LSAMP: variants seen among roughly 807,000 people sequenced by gnomAD.
LSAMP encodes the protein limbic system-associated membrane protein.
In LSAMP, 7 loss-of-function variants were observed where a neutral mutation model predicts 38.6. That is an observed-to-expected ratio of 0.18 (90% CI 0.10 to 0.34). The LOEUF (loss-of-function observed/expected upper bound fraction) is 0.34. Ranked by LOEUF, LSAMP falls within the 10% of genes least tolerant of loss-of-function variation. The probability of loss-of-function intolerance (pLI) is 1.00; values close to 1 mark genes in which losing one functional copy is unlikely to be tolerated. For missense variants in LSAMP, 313 were observed against 420.0 expected, an observed-to-expected ratio of 0.75 and a Z score of 2.23; for synonymous variants, 154 against 166.8, an observed-to-expected ratio of 0.92 and a Z score of 0.59.
At chr3:116,401,370 C>A (rs1389044213) in intron 1 of LSAMP, among the ~76,000 whole-genome samples, 1 of 152,126 alleles carries the variant, frequency 6.6e-6, no homozygotes, top group East Asian at 1.9e-4. Context: ...TAGCCTAGAC[C>A]TCCTGGGCTC....
rs181680054 is a variant in LSAMP at position 115,817,550 on chromosome 3, G to C, written c.920-7136C>G. Among the ~76,000 whole-genome samples, 40 of 152,254 alleles carry C rather than the reference G, an allele frequency of 2.6e-4. No individual in the cohort carries two copies. The East Asian group carries it at 7.7e-3, about 29-fold the overall frequency. The stretch of plus-strand genomic sequence containing the variant: ...GTACCTTTGTCAAGTAAACCACAAT[G>C]CTCTTAGGTCTTTAGAAGCAAATAT... On this transcript the variant is annotated intron_variant, in intron 6 of 6. Coordinates refer to ENST00000490035, the MANE Select transcript of LSAMP (RefSeq NM_002338.5).
At chr3:115,997,249 G>T (rs1264730070) in intron 3 of LSAMP, among the ~76,000 whole-genome samples, 1 of 152,028 alleles carries the variant, frequency 6.6e-6, no homozygotes, top group Non-Finnish European at 1.5e-5. Context: ...ATATGCCCTG[G>T]TCACCCTTCT....
intron 1 of LSAMP, among the ~76,000 whole-genome samples, chr3:116,385,737 A>G (rs1405723239): frequency 1.3e-5 from 2 of 152,144 alleles, no homozygotes; most frequent in African/African-American, 4.8e-5. Context: ...TCTAGTTACC[A>G]TTTGGGAAAT....
chr3:115,921,424 A>T (rs1937379150), intron 3 of LSAMP, among the ~76,000 whole-genome samples: 1 of 152,132 alleles, frequency 6.6e-6, no homozygotes, highest in South Asian at 2.1e-4. Context: ...ATTCTATTGC[A>T]TACAAATTCT....
At chr3:115,946,191 T>C (rs1280159074) in intron 3 of LSAMP, among the ~76,000 whole-genome samples, 2 of 152,162 alleles carry the variant, frequency 1.3e-5, no homozygotes, top group African/African-American at 2.4e-5. Context: ...ATCTCACTTA[T>C]GTGTGGAATG....
intron 2 of LSAMP, among the ~76,000 whole-genome samples, chr3:116,046,047 T>A (rs1173223517): frequency 6.6e-6 from 1 of 152,232 alleles, no homozygotes; most frequent in Non-Finnish European, 1.5e-5. Context: ...TAGAAATCCC[T>A]TTCTATGAGC....
chr3:116,142,679 A>T (rs1176635550), intron 1 of LSAMP, among the ~76,000 whole-genome samples: 1 of 152,078 alleles, frequency 6.6e-6, no homozygotes, highest in Non-Finnish European at 1.5e-5. Flanking sequence ...AACATAGTTT[A>T]AAATCCTCTC....
chr3:116,187,170 G>A (rs1190253651), intron 1 of LSAMP, among the ~76,000 whole-genome samples: 2 of 152,100 alleles, frequency 1.3e-5, no homozygotes, highest in East Asian at 3.9e-4. Flanking sequence ...TGCACATGGT[G>A]CACAGGTGGT....
At chr3:116,084,923 T>C (rs1376102487) in intron 2 of LSAMP, among the ~76,000 whole-genome samples, 1 of 152,038 alleles carries the variant, frequency 6.6e-6, no homozygotes, top group Non-Finnish European at 1.5e-5. Flanking sequence ...CCTTCTGCCA[T>C]TGAATTTAGT....
intron 1 of LSAMP, among the ~76,000 whole-genome samples, chr3:116,378,778 C>G (rs892727578): frequency 1.3e-5 from 2 of 151,996 alleles, no homozygotes; most frequent in African/African-American, 4.8e-5. Flanking sequence ...ACTCCACCTT[C>G]CTCCCAATTA....
chr3:115,862,568 T>C (rs559410585), intron 3 of LSAMP, among the ~76,000 whole-genome samples: 43 of 152,256 alleles, frequency 2.8e-4, no homozygotes, highest in South Asian at 2.1e-3. Context: ...TTAAAGTCAA[T>C]ACATAAGTAA....
intron 1 of LSAMP, among the ~76,000 whole-genome samples, chr3:116,409,407 T>TTCAC (rs1050622542): frequency 3.4e-4 from 52 of 152,186 alleles, no homozygotes; most frequent in African/African-American, 1.2e-3. Context: ...ATCTGTAGTT[T>TTCAC]TCACTCATCC....
intron 1 of LSAMP, among the ~76,000 whole-genome samples, chr3:116,251,884 C>T (rs998456111): frequency 1.8e-4 from 27 of 152,114 alleles, no homozygotes; most frequent in African/African-American, 5.6e-4. Context: ...GACTTAAGTC[C>T]TAAAAGCTGA....
At chr3:116,418,381 C>A (rs1435592176) in intron 1 of LSAMP, among the ~76,000 whole-genome samples, 2 of 152,134 alleles carry the variant, frequency 1.3e-5, no homozygotes, top group Non-Finnish European at 2.9e-5. Context: ...TGCTTAATTC[C>A]CTATTATTTG....
chr3:116,260,421 G>A (rs1312510586), intron 1 of LSAMP, among the ~76,000 whole-genome samples: 1 of 151,348 alleles, frequency 6.6e-6, no homozygotes, highest in East Asian at 1.9e-4. Flanking sequence ...ATAATGAACT[G>A]CTATATTAAC....
intron 1 of LSAMP, among the ~76,000 whole-genome samples, chr3:116,115,324 T>C (rs746079020): frequency 2.0e-5 from 3 of 152,242 alleles, no homozygotes; most frequent in Non-Finnish European, 2.9e-5. Context: ...CACAACAGCC[T>C]ATGTAATGTA....
intron 1 of LSAMP, among the ~76,000 whole-genome samples, chr3:116,357,375 AT>A (rs2048239905): frequency 6.6e-6 from 1 of 152,204 alleles, no homozygotes; most frequent in South Asian, 2.1e-4. Context: ...TCTTTGAGAA[AT>A]AGGAATCTTT....
At chr3:116,192,590 T>C (rs1219648225) in intron 1 of LSAMP, among the ~76,000 whole-genome samples, 1 of 152,134 alleles carries the variant, frequency 6.6e-6, no homozygotes, top group East Asian at 1.9e-4. Context: ...AGTTGGAAGA[T>C]GTGAAGGCAT....
chr3:116,349,270 TG>T (rs1197055705), intron 1 of LSAMP, among the ~76,000 whole-genome samples: 9 of 152,160 alleles, frequency 5.9e-5, no homozygotes, highest in African/African-American at 2.2e-4. Flanking sequence ...TGAAAACAAC[TG>T]GCTATCCATC....
Sources: allele counts gnomAD v4.1 joint callset (sites outside exome capture counted in the v4.1 genomes callset), GRCh38; gene constraint gnomAD v4.1.1; transcripts MANE v1.5; gene names NCBI Gene and HGNC (gene_info 2026-07-23, HGNC 2026-07-21).